PRCC: variants seen among roughly 807,000 people sequenced by gnomAD.
PRCC encodes proline rich mitotic checkpoint control factor, also known as proline-rich protein PRCC.
A neutral mutation model predicts 44.0 loss-of-function variants in PRCC; 10 were observed. The ratio of observed to expected loss-of-function variants is 0.23; its 90% confidence interval spans 0.14 to 0.39. The LOEUF (loss-of-function observed/expected upper bound fraction) is 0.39. Ranked by LOEUF, PRCC falls within the 10% of genes least tolerant of loss-of-function variation. PRCC has a pLI of 1.00. For missense variants in PRCC, 573 were observed against 624.7 expected (o/e 0.92, Z 0.88); for synonymous variants, 278 against 259.5 (o/e 1.07, Z -0.69).
chr1:156,787,582 G>A (rs112007763), intron 3 of PRCC, among the ~76,000 whole-genome samples: 2 of 135,182 alleles, frequency 1.5e-5, no homozygotes, highest in African/African-American at 2.7e-5. Context: ...GCATGTCACG[G>A]GTTTGGTGTA....
chr1:156,782,894 C>A (rs1049411296), intron 2 of PRCC, among the ~76,000 whole-genome samples: 9 of 151,968 alleles, frequency 5.9e-5, no homozygotes, highest in African/African-American at 1.7e-4. Flanking sequence ...CAGACTCAGG[C>A]AATCAGACAA....
At position 156,792,053 on chromosome 1, in the gene PRCC, C is replaced by CTTTTTTTTTTTTTTTTTTTTTTT. The variant is rs67388360; in HGVS notation, c.1179+267_1179+289dup. On this transcript the variant is annotated intron_variant, in intron 4 of 6. Transcript: ENST00000271526. ...ACAGAGTCAGGGATCTAGTCCCCTT[C>CTTTTTTTTTTTTTTTTTTTTTTT]TTTTTTTTTTTTTTTTTTTTTTTTT... 7.7e-4 allele frequency among the ~76,000 whole-genome samples: 45 copies of CTTTTTTTTTTTTTTTTTTTTTTT among 58,448 alleles called. 8 individuals carry two copies. The highest frequency in any genetic ancestry group is 1.1e-3 in the Non-Finnish European group (35 of 30,748). 38.3% of individuals were successfully genotyped at this position (58,448 alleles called of 152,430 possible).
chr1:156,775,485 G>C (rs973308693), intron 1 of PRCC, among the ~76,000 whole-genome samples: 3 of 151,542 alleles, frequency 2.0e-5, no homozygotes, highest in Admixed American at 1.3e-4. Context: ...TGAGTAGCTG[G>C]GATTACAGGC....
intron 6 of PRCC, among the ~76,000 whole-genome samples, chr1:156,798,548 A>G (rs969564346): frequency 1.3e-5 from 2 of 152,110 alleles, no homozygotes; most frequent in Non-Finnish European, 2.9e-5. Context: ...AGCACTTCGT[A>G]TGGGTCTTAT....
intron 1 of PRCC, among the ~76,000 whole-genome samples, chr1:156,779,144 TTTTTTTTTTTTTTTTC>T (rs1651952525): frequency 1.3e-5 from 1 of 76,598 alleles, no homozygotes; most frequent in East Asian, 3.3e-4. Context: ...TTTTTTTTTT[TTTTTTTTTTTTTTTTC>T]TTTTTTTCTC....
In PRCC at chr1:156,767,664, T is replaced by G; in HGVS notation, c.-108T>G. On this transcript the variant is annotated 5_prime_UTR_variant, in exon 1 of 7. Transcript: ENST00000271526. ...CCTAGAGTACGGAGCAGGCGGACTT[T>G]TCGGTTCCCCGCCCCGCCAGGTGGC... 2 of 1,198,222 alleles carry G rather than the reference T, an allele frequency of 1.7e-6. No individual in the cohort carries two copies. The highest frequency in any genetic ancestry group is 2.3e-6 in the Non-Finnish European group (2 of 870,834). 74.2% of individuals were successfully genotyped at this position (1,198,222 alleles called of 1,614,324 possible).
chr1:156,787,450 GATATATATATATATATATATATAT>G (rs57206380), intron 3 of PRCC, among the ~76,000 whole-genome samples: 21,058 of 124,770 alleles, frequency 0.17, 2,157 homozygotes, highest in Middle Eastern at 0.22. Context: ...ATTTGTGATT[GATATATATATATATATATATATAT>G]ATATATATAT....
chr1:156,785,051 CTG>C (rs1332316756), intron 2 of PRCC, among the ~76,000 whole-genome samples: 2 of 152,098 alleles, frequency 1.3e-5, no homozygotes, highest in African/African-American at 4.8e-5. Context: ...AAAACTACCT[CTG>C]TATGTATGAT....
chr1:156,767,777 G>T lies in PRCC; in HGVS notation c.6G>T (p.Ser2=), dbSNP rs766072065. Residue 2 remains serine (S), a synonymous_variant, in exon 1 of 7, where the codon TCG becomes TCT. Coordinates refer to ENST00000271526, the MANE Select transcript of PRCC (RefSeq NM_005973.5). The stretch of plus-strand genomic sequence containing the variant: ...CCCGAAACGCGGGAGGCGCCATGTC[G>T]CTGGTTGCTTACGCCAGCAGCGATG... The part of the protein sequence containing the change: M[S]LVAYASSDES... The T allele has an allele frequency of 1.2e-6, 2 of 1,600,776 alleles. No individual in the cohort carries two copies. Among genetic ancestry groups the T allele is most frequent in the East Asian group, 2.3e-5 (1 of 44,378 alleles).
chr1:156,800,559 C>G lies in PRCC; in HGVS notation c.*99C>G. 1 of 1,260,592 alleles carries G rather than the reference C, an allele frequency of 7.9e-7. No homozygotes were observed. 78.1% of individuals were successfully genotyped at this position (1,260,592 alleles called of 1,614,324 possible). A position where few individuals can be genotyped will look rare whatever the true frequency, so the allele number is the denominator to read the frequency against. The stretch of plus-strand genomic sequence containing the variant: ...CCCAGCTGCTCTAAGCCCAGGATCT[C>G]TTTCCCCAAGGACCCAGCCCTCGCC... On this transcript the variant is annotated 3_prime_UTR_variant, in exon 7 of 7. Coordinates refer to ENST00000271526, the MANE Select transcript of PRCC (RefSeq NM_005973.5).
At chr1:156,771,185 C>A (rs1651621800) in intron 1 of PRCC, among the ~76,000 whole-genome samples, 1 of 152,134 alleles carries the variant, frequency 6.6e-6, no homozygotes, top group African/African-American at 2.4e-5. Flanking sequence ...AGGGACAGTG[C>A]TTTCAGGGAA....
chr1:156,772,832 T>C (rs1270751950), intron 1 of PRCC, among the ~76,000 whole-genome samples: 3 of 152,216 alleles, frequency 2.0e-5, no homozygotes, highest in Non-Finnish European at 4.4e-5. Flanking sequence ...GCTTAATGTC[T>C]GAACTGTGCT....
chr1:156,768,647 T>TC (rs1184841401), intron 1 of PRCC, among the ~76,000 whole-genome samples: 1 of 152,172 alleles, frequency 6.6e-6, no homozygotes, highest in Non-Finnish European at 1.5e-5. Context: ...CTGGGACAAA[T>TC]CTTTTCCTTG....
chr1:156,799,136 A>G (rs1017652375), intron 6 of PRCC, among the ~76,000 whole-genome samples: 2 of 152,184 alleles, frequency 1.3e-5, no homozygotes, highest in Non-Finnish European at 2.9e-5. Flanking sequence ...GGCACCATGT[A>G]TGATCTGTAT....
At chr1:156,787,456 TATATATATATATATATATATATATATA>T (rs1652302403) in intron 3 of PRCC, among the ~76,000 whole-genome samples, 1 of 1,364 alleles carries the variant, frequency 7.3e-4, no homozygotes, top group East Asian at 0.071. Context: ...GATTGATATA[TATATATATATATATATATATATATATA>T]TATATATATA....
At chr1:156,769,965 C>CA (rs397784329) in intron 1 of PRCC, among the ~76,000 whole-genome samples, 4,675 of 140,186 alleles carry the variant, frequency 0.033, 181 homozygotes, top group African/African-American at 0.1. Flanking sequence ...GTCTAGGATC[C>CA]AAAAAAAAAA....
Position 156,800,535 on chromosome 1 carries a change from C to T in PRCC, c.*75C>T, listed in dbSNP as rs1252406939. ...GGCCCCCAGCTTCACCTCTGGGACC[C>T]CAGCTGCTCTAAGCCCAGGATCTCT... On this transcript the variant is annotated 3_prime_UTR_variant, in exon 7 of 7. Transcript: ENST00000271526. The T allele has an allele frequency of 6.8e-6, 10 of 1,460,274 alleles. No individual in the cohort carries two copies. Among genetic ancestry groups the T allele is most frequent in the African/African-American group, 5.6e-5 (4 of 71,616 alleles). 90.5% of individuals were successfully genotyped at this position (1,460,274 alleles called of 1,614,324 possible).
rs746197546 is a variant in PRCC at position 156,786,982 on chromosome 1, T to A, written c.891T>A (p.Thr297=). Residue 297 remains threonine (T), a synonymous_variant, in exon 3 of 7, where the codon ACT becomes ACA. Transcript: ENST00000271526. ...GVEPYPYPIP[T]VPEELPPGTE... ...AGCCATACCCTTACCCCATCCCCAC[T>A]GTCCCTGAAGAGCTGCCTCCAGGCA... The A allele has an allele frequency of 6.2e-7, 1 of 1,614,224 alleles. No individual in the cohort carries two copies. The highest frequency in any genetic ancestry group is 8.5e-7 in the Non-Finnish European group (1 of 1,180,028).
Position 156,779,128 on chromosome 1 carries a change from ATTTTTTTTTTTTTT to A in PRCC, c.469-3136_469-3123del, listed in dbSNP as rs869088692. 3.7e-3 allele frequency among the ~76,000 whole-genome samples: 133 copies of A among 35,872 alleles called. 2 individuals carry two copies. Among genetic ancestry groups the A allele is most frequent in the Admixed American group, 3.7e-3 (7 of 1,900 alleles). The allele number at this position is 35,872 out of a possible 152,430, so 23.5% of individuals were successfully genotyped here. ...AATATATATATATATATATATATAT[ATTTTTTTTTTTTTT>A]TTTTTTTTTTTTTTTTTCTTTTTTT... On this transcript the variant is annotated intron_variant, in intron 1 of 6. Coordinates refer to ENST00000271526, the MANE Select transcript of PRCC (RefSeq NM_005973.5).
Sources: allele counts gnomAD v4.1 joint callset (sites outside exome capture counted in the v4.1 genomes callset), GRCh38; gene constraint gnomAD v4.1.1; transcripts MANE v1.5; gene names NCBI Gene and HGNC (gene_info 2026-07-23, HGNC 2026-07-21).